The following FGR variants were observed in gnomAD, a reference collection of about 807,000 sequenced individuals.
FGR encodes tyrosine-protein kinase Fgr.
FGR carries 26 observed loss-of-function variants against 63.2 expected under a neutral mutation model. The observed-to-expected ratio is 0.41, with a 90% confidence interval of 0.30 to 0.57. The LOEUF (loss-of-function observed/expected upper bound fraction) is 0.57. Ranked by LOEUF, FGR falls within the 20% of genes least tolerant of loss-of-function variation. The probability of loss-of-function intolerance (pLI) is 0.27; values close to 1 mark genes in which losing one functional copy is unlikely to be tolerated. For missense variants in FGR, 511 were observed against 690.8 expected (o/e 0.74, Z 2.92); for synonymous variants, 286 against 277.7 (o/e 1.03, Z -0.30).
In FGR at chr1:27,612,071, C is replaced by T. The variant is rs929533345; in HGVS notation, c.*843G>A. 1.3e-5 allele frequency: 2 copies of T among 152,318 alleles called. No individual in the cohort carries two copies. The highest frequency in any genetic ancestry group is 1.9e-4 in the East Asian group (1 of 5,180). 9.4% of individuals were successfully genotyped at this position (152,318 alleles called of 1,614,324 possible). On this transcript the variant is annotated 3_prime_UTR_variant, in exon 13 of 13. Transcript: ENST00000374005. ...CACAGATTGAAGGCCATATCAGCAA[C>T]GAAGGGGACATTTTAATGTATCTTC...
intron 1 of FGR, among the ~76,000 whole-genome samples, chr1:27,631,004 T>C (rs767536154): frequency 1.3e-5 from 2 of 152,178 alleles, no homozygotes; most frequent in Non-Finnish European, 2.9e-5. Context: ...CTTCATGACA[T>C]GTGGCTCTTG....
chr1:27,626,904 C>T (rs1463861169), intron 1 of FGR, among the ~76,000 whole-genome samples: 1 of 152,148 alleles, frequency 6.6e-6, no homozygotes, highest in Non-Finnish European at 1.5e-5. Flanking sequence ...CAGTGGTTCA[C>T]ACCTGCTATC....
intron 1 of FGR, among the ~76,000 whole-genome samples, chr1:27,629,875 G>A (rs1040596273): frequency 3.9e-5 from 6 of 152,126 alleles, no homozygotes; most frequent in African/African-American, 1.4e-4. Context: ...ATGCTAAAAT[G>A]CAATGCTGAT....
intron 1 of FGR, among the ~76,000 whole-genome samples, chr1:27,630,422 A>T (rs2090089677): frequency 6.6e-6 from 1 of 152,084 alleles, no homozygotes; most frequent in African/African-American, 2.4e-5. Flanking sequence ...GCTCAAGACA[A>T]TTTTTCTTCT....
At chr1:27,618,722 A>G (rs922427189) in intron 5 of FGR, among the ~76,000 whole-genome samples, 4 of 151,944 alleles carry the variant, frequency 2.6e-5, no homozygotes, top group Admixed American at 1.3e-4. Context: ...AGCAGCCTCC[A>G]CCTGCATGCA....
Position 27,620,273 on chromosome 1 carries a change from C to T in FGR, c.428+1286G>A, listed in dbSNP as rs1571390100. Among the ~76,000 whole-genome samples, 9 of 152,134 alleles carry T rather than the reference C, an allele frequency of 5.9e-5. No individual in the cohort carries two copies. The South Asian group carries it at 1.7e-3, about 28-fold the overall frequency. On this transcript the variant is annotated intron_variant, in intron 5 of 12. Transcript: ENST00000374005. ...TGGAGGTTGCAGTGAGCCAAGATTA[C>T]GCCACTGCCCTCCAACCTGGGCAAC... is the stretch of plus-strand genomic sequence containing the variant.
Position 27,614,840 on chromosome 1 carries a change from G to A in FGR, c.1095+10C>T. 1 of 1,580,552 alleles carries A rather than the reference G, an allele frequency of 6.3e-7. No homozygotes were observed. Among genetic ancestry groups the A allele is most frequent in the South Asian group, 1.1e-5 (1 of 87,424 alleles). ...GAGGTCCGGGAGGTAAAGGCTGCTG[G>A]CCCAGTTACCTGGGCTGCCATGTCC... On this transcript the variant is annotated intron_variant, in intron 10 of 12. Transcript: ENST00000374005.
At chr1:27,620,991 C>CAAAAAAAAAAAAAAAAAAAAAAA (rs59265327) in intron 5 of FGR, among the ~76,000 whole-genome samples, 7 of 22,036 alleles carry the variant, frequency 3.2e-4, no homozygotes, top group African/African-American at 4.3e-4. Flanking sequence ...GACCCTGTCT[C>CAAAAAAAAAAAAAAAAAAAAAAA]AAAAAAAAAA....
rs1206571237 is a variant in FGR, at chr1:27,617,073, G to A, written c.533-67C>T. 21 of 1,606,512 alleles carry A rather than the reference G, an allele frequency of 1.3e-5. No individual in the cohort carries two copies. The South Asian group carries it at 1.4e-4, about 11-fold the overall frequency. ...CTAGTCTGGGAGCTGGGAGAGGCCC[G>A]ACAGCAGCATCCCTAGGACCTGGTC... On this transcript the variant is annotated intron_variant, in intron 6 of 12. Transcript: ENST00000374005. This position sits in a 1 kb window ranked among gnomAD's most constrained non-coding sequence, Gnocchi z 4.5.
In FGR at chr1:27,623,780, G is replaced by A; in HGVS notation, c.137C>T (p.Ser46Leu). Residue 46 changes from serine to leucine, a missense_variant, in exon 3 of 13, where the codon TCA becomes TTA. Ser to Leu is a moderately radical substitution (Grantham distance 145). Transcript: ENST00000374005. ...PDPTKARPAS[S>L]FAHIPNYSNF... ...GCTGTAGTTGGGGATGTGGGCAAAT[G>A]AGGATGCAGGCCGGGCCTTAGTGGG... 6.2e-7 allele frequency: 1 copy of A among 1,614,242 alleles called. No homozygotes were observed. The highest frequency in any genetic ancestry group is 1.3e-5 in the African/African-American group (1 of 75,066).
intron 11 of FGR, 44 bp downstream of exon 11, chr1:27,614,386 T>C (rs780978030): frequency 3.1e-6 from 5 of 1,592,220 alleles, no homozygotes; most frequent in Non-Finnish European, 4.3e-6. Flanking sequence ...TGGAAGTCCC[T>C]TGTTGCATGG....
At chr1:27,632,575 C>A (rs958875654) in intron 1 of FGR, among the ~76,000 whole-genome samples, 1 of 152,154 alleles carries the variant, frequency 6.6e-6, no homozygotes, top group African/African-American at 2.4e-5. Context: ...TCGGGGGTGG[C>A]CTTTACCCTC....
At chr1:27,614,770 C>A (rs1306387298) in intron 10 of FGR, 80 bp downstream of exon 10, 2 of 1,424,576 alleles carry the variant, frequency 1.4e-6, no homozygotes, top group South Asian at 1.2e-5. Context: ...GCCGCCCTCC[C>A]AGGCGTTTGA....
chr1:27,613,484 C>G (rs1259847522), intron 11 of FGR, 134 bp from the exon 12 acceptor site: 1 of 939,402 alleles, frequency 1.1e-6, no homozygotes, highest in Non-Finnish European at 1.6e-6. Flanking sequence ...AGGCGGATCA[C>G]TTGAGGTCAG....
Position 27,623,939 on chromosome 1 carries a change from G to T in FGR, c.-13-10C>A. ...CATTCCAGGTTCCCTGCTACAGAAT[G>T]GGGCATGCCTCACTCAAGGACCCCT... On this transcript the variant is annotated splice_polypyrimidine_tract_variant and intron_variant, in intron 2 of 12. Transcript: ENST00000374005. 1 of 1,562,368 alleles carries T rather than the reference G, an allele frequency of 6.4e-7. No individual in the cohort carries two copies.
At chr1:27,626,211 C>A in intron 1 of FGR, 1 of 398,690 alleles carries the variant, frequency 2.5e-6, no homozygotes, top group Non-Finnish European at 4.4e-6. Context: ...CCACACCCTG[C>A]CAGAAACATT....
In FGR at chr1:27,621,667, C is replaced by T. The variant is rs566509030; in HGVS notation, c.330-10G>A. ...CCACCAGTCACCTTCACTGTAGGCACAGAACAGGGCATGGTCAGCAGCACC... is the reference window on the plus strand; with the variant it reads ...CCACCAGTCACCTTCACTGTAGGCATAGAACAGGGCATGGTCAGCAGCACC... On this transcript the variant is annotated splice_polypyrimidine_tract_variant and intron_variant, in intron 4 of 12. Transcript: ENST00000374005. The T allele has an allele frequency of 3.2e-5, 52 of 1,607,284 alleles. No homozygotes were observed. The highest frequency in any genetic ancestry group is 4.2e-5 in the Non-Finnish European group (49 of 1,173,892).
At chr1:27,633,838 C>T (rs999823564) in intron 1 of FGR, among the ~76,000 whole-genome samples, 1 of 152,192 alleles carries the variant, frequency 6.6e-6, no homozygotes, top group African/African-American at 2.4e-5. Context: ...TAGCCCTTAA[C>T]CCTTCAGGAC....
intron 1 of FGR, among the ~76,000 whole-genome samples, chr1:27,630,023 T>C (rs761745518): frequency 2.0e-5 from 3 of 152,158 alleles, no homozygotes; most frequent in African/African-American, 7.2e-5. Flanking sequence ...CAACACATAT[T>C]AGTAAACTTT....
Sources: allele counts gnomAD v4.1 joint callset (sites outside exome capture counted in the v4.1 genomes callset), GRCh38; gene constraint gnomAD v4.1.1; non-coding constraint Gnocchi (gnomAD v3.1); transcripts MANE v1.5; gene names NCBI Gene and HGNC (gene_info 2026-07-23, HGNC 2026-07-21).